SORCS2: variants seen among roughly 807,000 people sequenced by gnomAD.
SORCS2 encodes sortilin related VPS10 domain containing receptor 2.
A neutral mutation model predicts 141.6 loss-of-function variants in SORCS2; 100 were observed. The ratio of observed to expected loss-of-function variants is 0.71; its 90% CI spans 0.60 to 0.83. The LOEUF (loss-of-function observed/expected upper bound fraction) is 0.83, where lower values mean the gene tolerates loss of function less well. Ranked by LOEUF, SORCS2 falls within the 40% of genes least tolerant of loss-of-function variation. SORCS2 has a pLI of 0.00. For missense variants in SORCS2, 1,646 were observed against 1,560.2 expected, an observed-to-expected ratio of 1.05 and a Z score of -0.93; for synonymous variants, 789 against 676.9, an observed-to-expected ratio of 1.17 and a Z score of -2.57.
chr4:7,602,923 G>T (rs1014793038), intron 3 of SORCS2, among the ~76,000 whole-genome samples: 1 of 152,240 alleles, frequency 6.6e-6, no homozygotes. Flanking sequence ...TCGGGAGGCC[G>T]AAGCTGGCAG....
intron 2 of SORCS2, among the ~76,000 whole-genome samples, chr4:7,483,380 G>C (rs906875051): frequency 2.0e-5 from 3 of 151,248 alleles, no homozygotes; most frequent in Non-Finnish European, 2.9e-5. Context: ...GAAGTGGGCA[G>C]AGAGTAGCGT....
intron 1 of SORCS2, among the ~76,000 whole-genome samples, chr4:7,254,253 A>T (rs1713699648): frequency 6.6e-6 from 1 of 152,248 alleles, no homozygotes; most frequent in African/African-American, 2.4e-5. Context: ...ACAGCAGCAA[A>T]GATATAGAAT....
chr4:7,494,370 C>G (rs1342696503), intron 2 of SORCS2, among the ~76,000 whole-genome samples: 1 of 152,180 alleles, frequency 6.6e-6, no homozygotes, highest in East Asian at 1.9e-4. Context: ...GCTGCTATAA[C>G]AAAATATGCA....
chr4:7,301,641 C>T (rs1560175545), intron 1 of SORCS2, among the ~76,000 whole-genome samples: 1 of 152,236 alleles, frequency 6.6e-6, no homozygotes. Context: ...GCGGCCCAAA[C>T]CCTCTGTGTT....
rs941052495 is a variant in SORCS2 at position 7,201,685 on chromosome 4, GTCTT to G, written c.480+8565_480+8568del. ...TTGCCTCCTCTTTTGGGGCCGCCTT[GTCTT>G]TCTTTTTTCAGACTCCAAAGGATGA... is the stretch of plus-strand genomic sequence containing the variant. On this transcript the variant is annotated intron_variant, in intron 1 of 26. Transcript: ENST00000507866. The surrounding 1 kb of genome is among the most constrained non-coding windows in gnomAD (Gnocchi z 4.4). 6.6e-6 allele frequency among the ~76,000 whole-genome samples: 1 copy of G among 152,190 alleles called. No individual in the cohort carries two copies. Among genetic ancestry groups the G allele is most frequent in the African/African-American group, 2.4e-5 (1 of 41,446 alleles).
At chr4:7,532,973 G>C (rs921961294) in intron 3 of SORCS2, among the ~76,000 whole-genome samples, 1 of 152,112 alleles carries the variant, frequency 6.6e-6, no homozygotes, top group Non-Finnish European at 1.5e-5. Context: ...ATGTCTCGGC[G>C]TGTAGGGAAG....
chr4:7,734,553 T>C (rs961386272), intron 25 of SORCS2, among the ~76,000 whole-genome samples, 179 bp downstream of exon 25: 2 of 151,980 alleles, frequency 1.3e-5, no homozygotes, highest in African/African-American at 4.8e-5. Context: ...GTACCACCTG[T>C]GGGGTCCCTG....
intron 1 of SORCS2, among the ~76,000 whole-genome samples, chr4:7,301,362 C>T (rs2108899641): frequency 6.6e-6 from 1 of 152,344 alleles, no homozygotes; most frequent in Admixed American, 6.5e-5. Context: ...AGCCCACCCA[C>T]CCTCAGCACA....
chr4:7,528,701 C>T (rs1382784714), intron 2 of SORCS2, among the ~76,000 whole-genome samples: 8 of 152,320 alleles, frequency 5.3e-5, no homozygotes, highest in East Asian at 1.9e-4. Flanking sequence ...AGGCATGAGG[C>T]GCCGTGCCTG....
chr4:7,510,512 G>A (rs1297319876), intron 2 of SORCS2, among the ~76,000 whole-genome samples: 1 of 113,838 alleles, frequency 8.8e-6, no homozygotes, highest in Non-Finnish European at 1.9e-5. Context: ...CAGCGGCCAT[G>A]GGCAGTGCAG....
chr4:7,534,336 C>CA (rs955357217), intron 3 of SORCS2, among the ~76,000 whole-genome samples: 1 of 152,154 alleles, frequency 6.6e-6, no homozygotes, highest in African/African-American at 2.4e-5. Context: ...AGGTCCCCCC[C>CA]CATCAGGGAG....
intron 2 of SORCS2, among the ~76,000 whole-genome samples, chr4:7,463,732 C>A (rs1180736378): frequency 6.6e-6 from 1 of 152,196 alleles, no homozygotes; most frequent in Non-Finnish European, 1.5e-5. Flanking sequence ...GTGCCACTCT[C>A]CTGCACCGCT....
chr4:7,740,857 G>T lies in SORCS2; in HGVS notation c.*593G>T. 2.5e-6 allele frequency: 1 copy of T among 394,930 alleles called. No individual in the cohort carries two copies. Among genetic ancestry groups the T allele is most frequent in the Non-Finnish European group, 4.5e-6 (1 of 224,326 alleles). 24.5% of individuals were successfully genotyped at this position (394,930 alleles called of 1,614,324 possible). ...TAGGTAGCTGCTGGCGGTGGTGGGG[G>T]TGTCTCACTCTCTGTCTTTATAGCC... is the stretch of plus-strand genomic sequence containing the variant. On this transcript the variant is annotated 3_prime_UTR_variant, in exon 27 of 27. Transcript: ENST00000507866.
chr4:7,323,371 A>ATC (rs1479017083), intron 1 of SORCS2, among the ~76,000 whole-genome samples: 13 of 152,244 alleles, frequency 8.5e-5, no homozygotes, highest in African/African-American at 2.9e-4. Flanking sequence ...GGATGCTGGG[A>ATC]TCGAGTGAAA....
Position 7,676,032 on chromosome 4 carries a change from C to T in SORCS2, c.1162-18C>T, listed in dbSNP as rs1723083559. 2 of 1,565,508 alleles carry T rather than the reference C, an allele frequency of 1.3e-6. No individual in the cohort carries two copies. Among genetic ancestry groups the T allele is most frequent in the South Asian group, 1.2e-5 (1 of 84,948 alleles). ...CCCAGCCTGGCTCTGACCCTGTGCT[C>T]CCTGCACATCCCCACAGGATCTGCA... On this transcript the variant is annotated intron_variant, in intron 8 of 26. Coordinates refer to ENST00000507866, the MANE Select transcript of SORCS2 (RefSeq NM_020777.3).
rs931903682 is a variant in SORCS2, at chr4:7,741,281, C to G, written c.*1017C>G. 7.5e-6 allele frequency: 3 copies of G among 398,834 alleles called. No individual in the cohort carries two copies. The highest frequency in any genetic ancestry group is 8.8e-5 in the Admixed American group (2 of 22,712). 24.7% of individuals were successfully genotyped at this position (398,834 alleles called of 1,614,324 possible). A position where few individuals can be genotyped will look rare whatever the true frequency, so the allele number is the denominator to read the frequency against. On this transcript the variant is annotated 3_prime_UTR_variant, in exon 27 of 27. Coordinates refer to ENST00000507866, the MANE Select transcript of SORCS2 (RefSeq NM_020777.3). The stretch of plus-strand genomic sequence containing the variant: ...GGGCCATCAGCGTGACCCTCATTTT[C>G]AAGAAGGGGAAACTGAGGCCCAGGG...
chr4:7,336,848 C>T (rs984583528), intron 1 of SORCS2, among the ~76,000 whole-genome samples: 2 of 152,160 alleles, frequency 1.3e-5, no homozygotes, highest in Non-Finnish European at 2.9e-5. Context: ...GCTGTGTCCC[C>T]ACGGAGCTGG....
At chr4:7,195,547 G>A (rs532370598) in intron 1 of SORCS2, among the ~76,000 whole-genome samples, 3 of 152,216 alleles carry the variant, frequency 2.0e-5, no homozygotes, top group Non-Finnish European at 4.4e-5. Flanking sequence ...GGGAGCAGGC[G>A]AGGCTGCAGG....
intron 3 of SORCS2, among the ~76,000 whole-genome samples, chr4:7,557,304 G>A (rs1714208382): frequency 6.6e-6 from 1 of 152,098 alleles, no homozygotes; most frequent in African/African-American, 2.4e-5. Flanking sequence ...TGGGGGCACG[G>A]GCAGATTGGG....
Sources: gnomAD v4.1 joint callset for allele counts (sites outside exome capture counted in the v4.1 genomes callset) on GRCh38, gnomAD v4.1.1 for gene constraint, Gnocchi (gnomAD v3.1) non-coding constraint, MANE v1.5 for transcripts, NCBI Gene and HGNC (gene_info 2026-07-23, HGNC 2026-07-21) for gene names.